The following PPP6R3 variants were observed in gnomAD, a reference collection of about 807,000 sequenced individuals.
PPP6R3 encodes protein phosphatase 6 regulatory subunit 3.
In PPP6R3, 38 loss-of-function variants were observed where a neutral mutation model predicts 110.7. The observed-to-expected ratio is 0.34, with a 90% CI of 0.26 to 0.45. The LOEUF (loss-of-function observed/expected upper bound fraction) is 0.45. Ranked by LOEUF, PPP6R3 falls within the 20% of genes least tolerant of loss-of-function variation. The probability of loss-of-function intolerance (pLI) is 1.00; values close to 1 mark genes in which losing one functional copy is unlikely to be tolerated. For synonymous variants in PPP6R3, 369 were observed against 373.5 expected (o/e 0.99, Z 0.14); for missense variants, 870 against 1,062.4 (o/e 0.82, Z 2.52).
intron 6 of PPP6R3, 94 bp downstream of exon 6, chr11:68,551,280 T>C: frequency 1.1e-6 from 1 of 914,876 alleles, no homozygotes; most frequent in Non-Finnish European, 1.7e-6. Context: ...AATGTGAACA[T>C]GATCAGAGCA....
Position 68,603,426 on chromosome 11 carries a change from A to G in PPP6R3, c.2384A>G (p.Asn795Ser), listed in dbSNP as rs2153949062. Residue 795 changes from asparagine to serine, a missense_variant, in exon 22 of 24, where the codon AAT (asparagine) becomes AGT (serine). Physicochemically the swap from Asn to Ser is conservative, Grantham distance 46. Transcript: ENST00000393800. ...GACAAGGTAACTGAGACAGTGATGA[A>G]TGGCGGCATGAAGGAAACGCTCAGC... ...STDKVTETVM[N>S]GGMKETLSLT... The G allele has an allele frequency of 1.9e-6, 3 of 1,614,174 alleles. No homozygotes were observed. Among genetic ancestry groups the G allele is most frequent in the East Asian group, 4.5e-5 (2 of 44,870 alleles).
intron 1 of PPP6R3, among the ~76,000 whole-genome samples, chr11:68,475,688 C>T (rs1368507066): frequency 6.6e-6 from 1 of 150,806 alleles, no homozygotes; most frequent in South Asian, 2.1e-4. Context: ...GGCTGCCCCC[C>T]ACCTCCCTCC....
chr11:68,502,079 G>A lies in PPP6R3; in HGVS notation c.-157-17422G>A, dbSNP rs573668259. On this transcript the variant is annotated intron_variant, in intron 1 of 23. Transcript: ENST00000393800. ...ATTTACTGTGTACATGGTTAAAGAT[G>A]ATGGACATGGTGCTGGTACCCTCAT... Among the ~76,000 whole-genome samples, 37 of 152,332 alleles carry A rather than the reference G, an allele frequency of 2.4e-4. 1 individual carries two copies. Among genetic ancestry groups the A allele is most frequent in the Admixed American group, 2.1e-3 (32 of 15,304 alleles).
chr11:68,462,672 G>C (rs992999199), intron 1 of PPP6R3, among the ~76,000 whole-genome samples: 5 of 152,196 alleles, frequency 3.3e-5, no homozygotes, highest in African/African-American at 1.2e-4. Flanking sequence ...AGCATGTCTG[G>C]TCAGGGAGTC....
In PPP6R3 at chr11:68,551,227, AAAAC is replaced by A. The variant is rs1351596755; in HGVS notation, c.618+45_618+48del. 5 of 1,468,062 alleles carry A rather than the reference AAAAC, an allele frequency of 3.4e-6. No individual in the cohort carries two copies. In the South Asian group the frequency reaches 3.6e-5, roughly 10 times the overall value. The allele number at this position is 1,468,062 out of a possible 1,614,324, so 90.9% of individuals were successfully genotyped here. On this transcript the variant is annotated intron_variant, in intron 6 of 23. Coordinates refer to ENST00000393800, the MANE Select transcript of PPP6R3 (RefSeq NM_001164161.2). ...TGACTGTAAACTTGATTAGAAAAAA[AAAAC>A]AAAAAACTGTTTATTGGGCACAGAG...
chr11:68,539,903 AG>A (rs957797558), intron 3 of PPP6R3, among the ~76,000 whole-genome samples: 25 of 152,356 alleles, frequency 1.6e-4, no homozygotes, highest in African/African-American at 5.3e-4. Flanking sequence ...GCAGGAATTA[AG>A]GGGGTTGCCA....
At chr11:68,503,667 T>A (rs1201500777) in intron 1 of PPP6R3, among the ~76,000 whole-genome samples, 3 of 152,210 alleles carry the variant, frequency 2.0e-5, no homozygotes, top group Admixed American at 2.0e-4. Context: ...GTCTGGAGGT[T>A]GTCAGTGACC....
At chr11:68,506,158 C>T (rs66752716) in intron 1 of PPP6R3, among the ~76,000 whole-genome samples, 34,268 of 147,090 alleles carry the variant, frequency 0.23, 4,217 homozygotes, top group Middle Eastern at 0.33. Context: ...TACTTTTGCA[C>T]CAACCTAATA....
In PPP6R3 at chr11:68,537,900, A is replaced by G; in HGVS notation, c.227+9A>G. The stretch of plus-strand genomic sequence containing the variant: ...GAAAAGATCAGATACAAGTAAGACA[A>G]TTCAATCTTCTCTGTAGAGTGGGAC... On this transcript the variant is annotated intron_variant, in intron 3 of 23. Transcript: ENST00000393800. The G allele has an allele frequency of 1.9e-6, 3 of 1,583,556 alleles. No homozygotes were observed. Among genetic ancestry groups the G allele is most frequent in the Non-Finnish European group, 2.6e-6 (3 of 1,153,552 alleles).
At chr11:68,521,727 G>T (rs1231102496) in intron 2 of PPP6R3, among the ~76,000 whole-genome samples, 1 of 152,142 alleles carries the variant, frequency 6.6e-6, no homozygotes, top group East Asian at 1.9e-4. Context: ...TTTTATGAAG[G>T]TATTTATATA....
intron 18 of PPP6R3, among the ~76,000 whole-genome samples, chr11:68,595,044 C>T (rs761049560): frequency 7.4e-4 from 113 of 152,190 alleles, no homozygotes; most frequent in Non-Finnish European, 1.4e-3. Context: ...ATTCGTACCT[C>T]TTACTATATA....
intron 4 of PPP6R3, among the ~76,000 whole-genome samples, chr11:68,547,038 A>C (rs1484994619): frequency 6.6e-6 from 1 of 152,208 alleles, no homozygotes; most frequent in Non-Finnish European, 1.5e-5. Context: ...GTGTTGGTTA[A>C]TCCTGTATTT....
At chr11:68,487,274 C>T (rs2098953540) in intron 1 of PPP6R3, among the ~76,000 whole-genome samples, 1 of 151,972 alleles carries the variant, frequency 6.6e-6, no homozygotes, top group Non-Finnish European at 1.5e-5. Flanking sequence ...TTTTCAAGGC[C>T]AGGTGCAATG....
intron 1 of PPP6R3, among the ~76,000 whole-genome samples, chr11:68,498,266 T>A (rs1028537756): frequency 6.6e-6 from 1 of 152,214 alleles, no homozygotes; most frequent in Non-Finnish European, 1.5e-5. Context: ...GGGGTAAATT[T>A]GGACATGCAG....
At chr11:68,540,494 CAAAATT>C (rs906378396) in intron 3 of PPP6R3, among the ~76,000 whole-genome samples, 10 of 152,074 alleles carry the variant, frequency 6.6e-5, no homozygotes, top group African/African-American at 2.4e-4. Context: ...AGGACCGGGG[CAAAATT>C]AAAATTGCTA....
chr11:68,495,773 T>C (rs1165435627), intron 1 of PPP6R3, among the ~76,000 whole-genome samples: 2 of 152,252 alleles, frequency 1.3e-5, no homozygotes, highest in East Asian at 3.8e-4. Context: ...TTGGCTTTTA[T>C]GAATAATGCT....
chr11:68,525,207 T>G (rs933771305), intron 2 of PPP6R3, among the ~76,000 whole-genome samples: 1 of 152,226 alleles, frequency 6.6e-6, no homozygotes, highest in African/African-American at 2.4e-5. Context: ...GAACAAAACC[T>G]TGAAGGTATG....
chr11:68,477,291 A>G (rs1020170341), intron 1 of PPP6R3, among the ~76,000 whole-genome samples: 1 of 152,054 alleles, frequency 6.6e-6, no homozygotes, highest in African/African-American at 2.4e-5. Flanking sequence ...CTGACTTGCC[A>G]TAGTCTGACT....
chr11:68,511,045 G>A (rs931026760), intron 1 of PPP6R3, among the ~76,000 whole-genome samples: 4 of 150,344 alleles, frequency 2.7e-5, no homozygotes, highest in Admixed American at 6.6e-5. Flanking sequence ...TTACAACCAC[G>A]TATACTACAT....
Sources: allele counts gnomAD v4.1 joint callset (sites outside exome capture counted in the v4.1 genomes callset), GRCh38; gene constraint gnomAD v4.1.1; transcripts MANE v1.5; gene names NCBI Gene and HGNC (gene_info 2026-07-23, HGNC 2026-07-21).